The following L3MBTL4 variants were observed in gnomAD, a reference collection of about 807,000 sequenced individuals.
L3MBTL4 encodes the protein L3MBTL histone methyl-lysine binding protein 4.
L3MBTL4 carries 70 observed loss-of-function variants against 84.5 expected under a neutral mutation model. That is an observed-to-expected ratio of 0.83 (90% CI 0.68 to 1.01). L3MBTL4 has a LOEUF of 1.01. Ranked by LOEUF, L3MBTL4 falls within the 50% of genes least tolerant of loss-of-function variation. L3MBTL4 has a pLI of 0.00. For missense variants in L3MBTL4, 715 were observed against 754.8 expected, an observed-to-expected ratio of 0.95 and a Z score of 0.62; for synonymous variants, 274 against 259.8, an observed-to-expected ratio of 1.05 and a Z score of -0.52.
In L3MBTL4 at chr18:5,955,427, T is replaced by G. The variant is rs967280816; in HGVS notation, c.*793A>C. 1 of 152,476 alleles carries G rather than the reference T, an allele frequency of 6.6e-6. No homozygotes were observed. The highest frequency in any genetic ancestry group is 1.9e-4 in the East Asian group (1 of 5,174). The allele number at this position is 152,476 out of a possible 1,614,324, so 9.4% of individuals were successfully genotyped here. ...AGAGTGGGAGCAGGGAGGAGTTCTG[T>G]GCAGGTGAGCGTCTGGCCCAGCAGC... On this transcript the variant is annotated 3_prime_UTR_variant, in exon 19 of 19. Coordinates refer to ENST00000317931, the MANE Select transcript of L3MBTL4 (RefSeq NM_001330559.2).
intron 12 of L3MBTL4, among the ~76,000 whole-genome samples, chr18:6,208,144 TAAA>T (rs2045952218): frequency 1.3e-5 from 2 of 151,220 alleles, no homozygotes; most frequent in African/African-American, 4.9e-5. Flanking sequence ...AATAAATAAA[TAAA>T]TAAATAAATA....
At chr18:6,033,716 C>A (rs997884720) in intron 16 of L3MBTL4, among the ~76,000 whole-genome samples, 1 of 152,052 alleles carries the variant, frequency 6.6e-6, no homozygotes, top group East Asian at 1.9e-4. Flanking sequence ...TGTGTATATT[C>A]TATAGCTGTT....
At position 6,228,744 on chromosome 18, in the gene L3MBTL4, C is replaced by T. The variant is rs142410748; in HGVS notation, c.784+9220G>A. 3.9e-3 allele frequency among the ~76,000 whole-genome samples: 600 copies of T among 152,118 alleles called. 3 individuals are homozygous for T. The highest frequency in any genetic ancestry group is 5.6e-3 in the Non-Finnish European group (384 of 67,982). On this transcript the variant is annotated intron_variant, in intron 10 of 18. Transcript: ENST00000317931. ...GCCGCAGGAGAGCCTGTGAAATGTC[C>T]CATCATGGAGATGCGGGGAGAGAAG...
chr18:6,414,365 AC>A lies in L3MBTL4; in HGVS notation c.-91+435del, dbSNP rs2056101894. On this transcript the variant is annotated intron_variant, in intron 1 of 18. Coordinates refer to ENST00000317931, the MANE Select transcript of L3MBTL4 (RefSeq NM_001330559.2). The surrounding 1 kb of genome is among the most constrained non-coding windows in gnomAD (Gnocchi z 5.4). ...CAGAGGAAACAAAAGCCAAATGCCC[AC>A]CGCCGGGCGCTCGATGGCCGGAGGA... Among the ~76,000 whole-genome samples, 1 of 152,118 alleles carries A rather than the reference AC, an allele frequency of 6.6e-6. No individual in the cohort carries two copies. Among genetic ancestry groups the A allele is most frequent in the African/African-American group, 2.4e-5 (1 of 41,446 alleles).
intron 5 of L3MBTL4, among the ~76,000 whole-genome samples, chr18:6,248,722 A>G (rs960303906): frequency 1.2e-4 from 19 of 152,272 alleles, no homozygotes; most frequent in South Asian, 6.2e-4. Context: ...GGCTTTTTGC[A>G]TTACTAATGT....
At chr18:6,336,997 TG>T (rs2052370880) in intron 1 of L3MBTL4, among the ~76,000 whole-genome samples, 1 of 152,160 alleles carries the variant, frequency 6.6e-6, no homozygotes, top group Admixed American at 6.5e-5. Flanking sequence ...ATTCTAGAAC[TG>T]GAAAATACAA....
intron 13 of L3MBTL4, among the ~76,000 whole-genome samples, chr18:6,139,760 G>C (rs2060138974): frequency 6.6e-6 from 1 of 152,076 alleles, no homozygotes; most frequent in South Asian, 2.1e-4. Context: ...CCCTCCACAG[G>C]GGTCACATGC....
rs545311694 is a variant in L3MBTL4 at position 6,354,188 on chromosome 18, C to A, written c.-90-42132G>T. Among the ~76,000 whole-genome samples the A allele has an allele frequency of 2.4e-4, 37 of 152,202 alleles. 1 individual carries two copies. In the South Asian group the frequency reaches 4.1e-3, roughly 17 times the overall value. On this transcript the variant is annotated intron_variant, in intron 1 of 18. Transcript: ENST00000317931. ...CCAAGAACACACACTGGGGAAAAGACAGTCTCTTCAATAAATGGTGTTGGG... is the reference window on the plus strand; with the variant it reads ...CCAAGAACACACACTGGGGAAAAGAAAGTCTCTTCAATAAATGGTGTTGGG...
chr18:6,166,270 T>G (rs553630665), intron 13 of L3MBTL4, among the ~76,000 whole-genome samples: 187 of 152,226 alleles, frequency 1.2e-3, no homozygotes, highest in African/African-American at 4.4e-3. Context: ...GACAGATCAA[T>G]GAGACAGAAA....
At chr18:6,186,978 T>C (rs190818276) in intron 12 of L3MBTL4, among the ~76,000 whole-genome samples, 1 of 152,218 alleles carries the variant, frequency 6.6e-6, no homozygotes, top group Non-Finnish European at 1.5e-5. Context: ...TGCTGTCCTG[T>C]GTGATGCTAA....
chr18:6,212,509 C>CT (rs1384469098), intron 12 of L3MBTL4, among the ~76,000 whole-genome samples: 1 of 152,138 alleles, frequency 6.6e-6, no homozygotes, highest in Non-Finnish European at 1.5e-5. Context: ...TTTCAGCTCT[C>CT]TGAGAAAAAT....
intron 1 of L3MBTL4, among the ~76,000 whole-genome samples, chr18:6,333,300 C>T (rs1238004395): frequency 3.3e-5 from 5 of 152,060 alleles, no homozygotes; most frequent in East Asian, 1.9e-4. Flanking sequence ...TTGGGCCAGG[C>T]GTGGTGGCTC....
intron 13 of L3MBTL4, among the ~76,000 whole-genome samples, chr18:6,145,020 T>C (rs1057478758): frequency 6.6e-6 from 1 of 152,212 alleles, no homozygotes; most frequent in Admixed American, 6.5e-5. Flanking sequence ...AATTTTTGTG[T>C]TACTTGCTGA....
chr18:6,342,758 T>C (rs1173544726), intron 1 of L3MBTL4, among the ~76,000 whole-genome samples: 1 of 151,938 alleles, frequency 6.6e-6, no homozygotes, highest in Non-Finnish European at 1.5e-5. Context: ...TAAATTTCAA[T>C]ATAAATTCTC....
chr18:6,189,760 T>C (rs1385810236), intron 12 of L3MBTL4, among the ~76,000 whole-genome samples: 1 of 152,178 alleles, frequency 6.6e-6, no homozygotes, highest in Non-Finnish European at 1.5e-5. Flanking sequence ...TTAAATGTGT[T>C]TTAGCAGACT....
rs551808773 is a variant in L3MBTL4, at chr18:6,056,090, A to G, written c.1444+24791T>C. 2.2e-3 allele frequency among the ~76,000 whole-genome samples: 337 copies of G among 152,184 alleles called. 1 individual carries two copies. Among genetic ancestry groups the G allele is most frequent in the African/African-American group, 8.0e-3 (331 of 41,510 alleles). The stretch of plus-strand genomic sequence containing the variant: ...AGCATGGATTTGGGTTGATATGTCC[A>G]TATTTCATTAAACTAAAAGGAATCT... On this transcript the variant is annotated intron_variant, in intron 16 of 18. Coordinates refer to ENST00000317931, the MANE Select transcript of L3MBTL4 (RefSeq NM_001330559.2).
intron 12 of L3MBTL4, among the ~76,000 whole-genome samples, chr18:6,209,739 C>G (rs754444547): frequency 2.0e-5 from 3 of 152,030 alleles, no homozygotes; most frequent in Non-Finnish European, 4.4e-5. Context: ...ATAAACAACC[C>G]AAATGTCCAT....
chr18:5,975,893 A>C (rs540784144), intron 16 of L3MBTL4, among the ~76,000 whole-genome samples: 1 of 152,292 alleles, frequency 6.6e-6, no homozygotes, highest in Non-Finnish European at 1.5e-5. Flanking sequence ...TCTGTTTCTC[A>C]TACCCTTATT....
intron 1 of L3MBTL4, among the ~76,000 whole-genome samples, chr18:6,323,273 A>G (rs748847869): frequency 1.3e-5 from 2 of 152,326 alleles, no homozygotes; most frequent in Admixed American, 6.5e-5. Context: ...GGAGTGGAGC[A>G]TTGCTATAGA....
Sources: gnomAD v4.1 joint callset for allele counts (sites outside exome capture counted in the v4.1 genomes callset) on GRCh38, gnomAD v4.1.1 for gene constraint, Gnocchi (gnomAD v3.1) non-coding constraint, MANE v1.5 for transcripts, NCBI Gene and HGNC (gene_info 2026-07-23, HGNC 2026-07-21) for gene names.